The following RTN3 variants were observed in gnomAD, a reference collection of about 807,000 sequenced individuals.
RTN3 encodes the protein reticulon 3.
In RTN3, 49 loss-of-function variants were observed where a neutral mutation model predicts 77.8. The ratio of observed to expected loss-of-function variants is 0.63; its 90% CI spans 0.50 to 0.80. The LOEUF is 0.80. Among genes scored for constraint, RTN3 ranks in the 30% least tolerant of loss-of-function variants. The pLI is 0.00. For synonymous variants in RTN3, 464 were observed against 446.9 expected (o/e 1.04, Z -0.48); for missense variants, 1,236 against 1,211.9 (o/e 1.02, Z -0.29).
chr11:63,735,063 G>T (rs1590863279), intron 3 of RTN3, among the ~76,000 whole-genome samples: 1 of 152,054 alleles, frequency 6.6e-6, no homozygotes, highest in Non-Finnish European at 1.5e-5. Context: ...GCCTTTCTCT[G>T]TCGCCCAGGC....
intron 1 of RTN3, 62 bp downstream of exon 1, chr11:63,681,840 G>A (rs1354270415): frequency 1.2e-5 from 17 of 1,443,298 alleles, no homozygotes; most frequent in Non-Finnish European, 1.5e-5. Flanking sequence ...GGGGGCTGGG[G>A]GGATTAGGAG....
intron 7 of RTN3, among the ~76,000 whole-genome samples, chr11:63,754,703 A>C (rs1336313516): frequency 6.7e-6 from 1 of 148,780 alleles, no homozygotes; most frequent in African/African-American, 2.5e-5. Flanking sequence ...CCATCTCAAA[A>C]AAAAAAAAAA....
intron 3 of RTN3, among the ~76,000 whole-genome samples, chr11:63,747,695 C>G (rs2135037300): frequency 1.3e-5 from 2 of 152,324 alleles, no homozygotes; most frequent in East Asian, 3.9e-4. Context: ...TAGGTACCCT[C>G]AAGACAACTT....
At position 63,758,473 on chromosome 11, in the gene RTN3, T is replaced by C; in HGVS notation, c.*272T>C. 1 of 819,670 alleles carries C rather than the reference T, an allele frequency of 1.2e-6. No homozygotes were observed. Among genetic ancestry groups the C allele is most frequent in the Non-Finnish European group, 1.8e-6 (1 of 543,642 alleles). The allele number at this position is 819,670 out of a possible 1,614,324, so 50.8% of individuals were successfully genotyped here. On this transcript the variant is annotated 3_prime_UTR_variant, in exon 9 of 9. Transcript: ENST00000377819. ...AATACCTTAATGGTGGTAGAGCCTT[T>C]ACCTGTAGCTTGAAAGGGGAAAGAT...
At chr11:63,749,502 A>G (rs2013987602) in intron 3 of RTN3, among the ~76,000 whole-genome samples, 2 of 152,184 alleles carry the variant, frequency 1.3e-5, no homozygotes, top group Non-Finnish European at 1.5e-5. Context: ...TAACTAATTT[A>G]TAGGCCTGGT....
At chr11:63,704,979 G>A (rs1029340609) in intron 2 of RTN3, 72 bp downstream of exon 2, 25 of 1,101,898 alleles carry the variant, frequency 2.3e-5, no homozygotes, top group African/African-American at 7.7e-5. Context: ...CTGGGGATAC[G>A]AGGCACAAGT....
chr11:63,681,755 A>G lies in RTN3; in HGVS notation c.119A>G (p.Lys40Arg). ...SPGACPALGTKSCSSSCADSF... is the reference protein window; with the variant it reads ...SPGACPALGTRSCSSSCADSF... ...GGAGCCTGCCCCGCCCTGGGGACGA[A>G]GAGCTGCAGCTCCTCCTGTGCGGGT... Residue 40 changes from lysine (K) to arginine (R), a missense_variant, in exon 1 of 9, where the codon AAG becomes AGG. Around this residue, in one of 3 missense-constraint regions of RTN3, gnomAD observed 1,056 missense variants for 990.4 expected, o/e 1.07. Transcript: ENST00000377819. 6.2e-7 allele frequency: 1 copy of G among 1,601,342 alleles called. No individual in the cohort carries two copies. The highest frequency in any genetic ancestry group is 8.5e-7 in the Non-Finnish European group (1 of 1,176,118).
chr11:63,711,114 C>T (rs1167947720), intron 2 of RTN3, among the ~76,000 whole-genome samples: 2 of 151,806 alleles, frequency 1.3e-5, no homozygotes, highest in African/African-American at 4.8e-5. Context: ...ACCCCATCTC[C>T]GCTAAAAATA....
At chr11:63,709,319 A>G (rs1942637240) in intron 2 of RTN3, among the ~76,000 whole-genome samples, 1 of 152,304 alleles carries the variant, frequency 6.6e-6, no homozygotes, top group East Asian at 1.9e-4. Flanking sequence ...AATCAAAATC[A>G]AACTGAAATT....
At chr11:63,682,964 C>T (rs563478959) in intron 1 of RTN3, among the ~76,000 whole-genome samples, 1 of 152,102 alleles carries the variant, frequency 6.6e-6, no homozygotes, top group East Asian at 1.9e-4. Flanking sequence ...ATTTTGCTCT[C>T]TATTTAGTTA....
At chr11:63,743,471 C>T (rs1328255445) in intron 3 of RTN3, among the ~76,000 whole-genome samples, 2 of 151,862 alleles carry the variant, frequency 1.3e-5, no homozygotes, top group East Asian at 3.9e-4. Flanking sequence ...GGAATTCTTC[C>T]TTGGTGGAAT....
At position 63,720,245 on chromosome 11, in the gene RTN3, A is replaced by C. The variant is rs752551555; in HGVS notation, c.1743A>C (p.Ala581=). Residue 581 remains alanine, a synonymous_variant, in exon 3 of 9, where the codon GCA becomes GCC. Transcript: ENST00000377819. ...GAAGGAGTCCAGCTAGTGAGGCAGC[A>C]TGTTCAAAAGTACCCGATACGAATG... ...ILGRSPASEA[A]CSKVPDTNVS... is the part of the protein sequence containing the mutation. 6.2e-7 allele frequency: 1 copy of C among 1,614,146 alleles called. No homozygotes were observed. The highest frequency in any genetic ancestry group is 2.2e-5 in the East Asian group (1 of 44,884).
chr11:63,716,284 A>C (rs2011394104), intron 2 of RTN3, among the ~76,000 whole-genome samples: 1 of 152,220 alleles, frequency 6.6e-6, no homozygotes, highest in Admixed American at 6.5e-5. Flanking sequence ...AATAATTTTG[A>C]ATGAAGTCAT....
chr11:63,744,482 C>G (rs1468079863), intron 3 of RTN3, among the ~76,000 whole-genome samples: 1 of 151,958 alleles, frequency 6.6e-6, no homozygotes, highest in Admixed American at 6.6e-5. Flanking sequence ...GGCCACAAAT[C>G]CATACAGCAT....
At chr11:63,703,633 C>T (rs1263238393) in intron 1 of RTN3, among the ~76,000 whole-genome samples, 4 of 151,596 alleles carry the variant, frequency 2.6e-5, no homozygotes, top group Non-Finnish European at 5.9e-5. Context: ...AGCTCCACCT[C>T]CCAGGTTCAC....
chr11:63,699,355 T>G (rs1300100021), intron 1 of RTN3, among the ~76,000 whole-genome samples: 1 of 152,064 alleles, frequency 6.6e-6, no homozygotes, highest in Non-Finnish European at 1.5e-5. Context: ...GGCATTTCAT[T>G]TAGTCCCTCA....
intron 3 of RTN3, among the ~76,000 whole-genome samples, chr11:63,727,411 C>T (rs1430389271): frequency 2.0e-5 from 3 of 151,938 alleles, no homozygotes; most frequent in Admixed American, 6.6e-5. Flanking sequence ...TTTAATCACT[C>T]AAAGAAGTAA....
Position 63,704,995 on chromosome 11 carries a change from A to G in RTN3, c.199+88A>G, listed in dbSNP as rs975542926. On this transcript the variant is annotated intron_variant, in intron 2 of 8. Transcript: ENST00000377819. Reference sequence around the variant, plus strand: ...TGGGGATACGAGGCACAAGTCTTCTATTGCCCCAAATCCCCTAAAATAAAA... The same window carrying G: ...TGGGGATACGAGGCACAAGTCTTCTGTTGCCCCAAATCCCCTAAAATAAAA... 7 of 937,228 alleles carry G rather than the reference A, an allele frequency of 7.5e-6. No homozygotes were observed. The African/African-American group carries it at 9.8e-5, about 13-fold the overall frequency. The allele number at this position is 937,228 out of a possible 1,614,324, so 58.1% of individuals were successfully genotyped here.
At position 63,719,474 on chromosome 11, in the gene RTN3, G is replaced by A; in HGVS notation, c.972G>A (p.Glu324=). The A allele has an allele frequency of 6.2e-7, 1 of 1,614,156 alleles. No individual in the cohort carries two copies. Among genetic ancestry groups the A allele is most frequent in the Non-Finnish European group, 8.5e-7 (1 of 1,180,018 alleles). The change falls in exon 3 of 9, where the codon GAG becomes GAA. Residue 324 remains glutamate (E), a synonymous_variant. Coordinates refer to ENST00000377819, the MANE Select transcript of RTN3 (RefSeq NM_001265589.2). ...QFSHTNAALE[E]VSRCVNDMHN... ...CACACACAAATGCAGCACTGGAAGAGGTGTCCAGATGCGTGAATGATATGC... is the reference window on the plus strand; with the variant it reads ...CACACACAAATGCAGCACTGGAAGAAGTGTCCAGATGCGTGAATGATATGC...
Sources: gnomAD v4.1 joint callset for allele counts (sites outside exome capture counted in the v4.1 genomes callset) on GRCh38, gnomAD v4.1.1 for gene constraint, gnomAD v4.1.1 regional missense constraint, MANE v1.5 for transcripts, NCBI Gene and HGNC (gene_info 2026-07-23, HGNC 2026-07-21) for gene names.